The following MTA3 variants were observed in gnomAD, a reference collection of about 807,000 sequenced individuals.
MTA3 encodes metastasis-associated protein MTA3.
A neutral mutation model predicts 83.5 loss-of-function variants in MTA3; 34 were observed. The ratio of observed to expected loss-of-function variants is 0.41; its 90% confidence interval spans 0.31 to 0.54. The LOEUF (loss-of-function observed/expected upper bound fraction) is 0.54. Ranked by LOEUF, MTA3 falls within the 20% of genes least tolerant of loss-of-function variation. The pLI, the probability that MTA3 is intolerant of heterozygous loss-of-function variation, is 0.33. For synonymous variants in MTA3, 303 were observed against 252.7 expected (o/e 1.20, Z -1.89); for missense variants, 761 against 726.4 (o/e 1.05, Z -0.55).
intron 4 of MTA3, among the ~76,000 whole-genome samples, chr2:42,626,350 T>A (rs1686092627): frequency 6.6e-6 from 1 of 151,618 alleles, no homozygotes. Flanking sequence ...CAGGCTGGAG[T>A]GCAGTGGTGT....
At chr2:42,705,502 C>G (rs567729430) in intron 12 of MTA3, among the ~76,000 whole-genome samples, 8 of 151,586 alleles carry the variant, frequency 5.3e-5, no homozygotes, top group Non-Finnish European at 1.2e-4. Context: ...GTCAGGAGTT[C>G]GAGACCAGCC....
chr2:42,612,805 G>C (rs1684386896), intron 4 of MTA3, among the ~76,000 whole-genome samples: 1 of 152,088 alleles, frequency 6.6e-6, no homozygotes, highest in African/African-American at 2.4e-5. Context: ...AGGTTGCAGT[G>C]AGCCAAGATC....
At chr2:42,628,074 A>G (rs1686294947) in intron 4 of MTA3, among the ~76,000 whole-genome samples, 1 of 151,818 alleles carries the variant, frequency 6.6e-6, no homozygotes, top group Non-Finnish European at 1.5e-5. Flanking sequence ...TGGTTAGACC[A>G]GGTTTCACCA....
chr2:42,674,024 T>C (rs997661298), intron 8 of MTA3, among the ~76,000 whole-genome samples: 2 of 152,252 alleles, frequency 1.3e-5, no homozygotes, highest in African/African-American at 4.8e-5. Flanking sequence ...TCTAGGATTC[T>C]GCTGAGCTAG....
rs1269881693 is a variant in MTA3, at chr2:42,568,807, G to A, written c.28+34G>A. 4.9e-6 allele frequency: 6 copies of A among 1,215,118 alleles called. No homozygotes were observed. The African/African-American group carries it at 9.4e-5, about 19-fold the overall frequency. The allele number at this position is 1,215,118 out of a possible 1,614,324, so 75.3% of individuals were successfully genotyped here. A position where few individuals can be genotyped will look rare whatever the true frequency, so the allele number is the denominator to read the frequency against. On this transcript the variant is annotated intron_variant, in intron 1 of 16. Coordinates refer to ENST00000405094, the MANE Select transcript of MTA3 (RefSeq NM_001330442.2). Reference sequence around the variant, plus strand: ...GCTCGGCCCGACCCGGCCCGTGTGGGAGCGGGTTCCGGGAGCGGGGGGCCG... The same window carrying A: ...GCTCGGCCCGACCCGGCCCGTGTGGAAGCGGGTTCCGGGAGCGGGGGGCCG...
At chr2:42,675,324 T>C (rs1262376907) in intron 8 of MTA3, among the ~76,000 whole-genome samples, 1 of 151,984 alleles carries the variant, frequency 6.6e-6, no homozygotes, top group Non-Finnish European at 1.5e-5. Flanking sequence ...TTAGTAGAGA[T>C]GGGCTTTCAC....
chr2:42,728,532 A>G (rs1669717402), intron 16 of MTA3, among the ~76,000 whole-genome samples: 1 of 152,172 alleles, frequency 6.6e-6, no homozygotes, highest in Admixed American at 6.5e-5. Context: ...TAGTGGTTGT[A>G]CTAATTTACA....
At chr2:42,579,584 G>A (rs539626180) in intron 3 of MTA3, among the ~76,000 whole-genome samples, 2 of 151,886 alleles carry the variant, frequency 1.3e-5, no homozygotes, top group East Asian at 3.9e-4. Flanking sequence ...GAGCTACCAG[G>A]CCTGGCCTAG....
At chr2:42,528,071 C>T (rs569039922) in intron 2 of MTA3, among the ~76,000 whole-genome samples, 5 of 152,154 alleles carry the variant, frequency 3.3e-5, no homozygotes, top group Non-Finnish European at 7.4e-5. Flanking sequence ...ACTACAGGCA[C>T]GTGCCACCAT....
At chr2:42,668,459 C>T (rs1178024050) in intron 8 of MTA3, among the ~76,000 whole-genome samples, 5 of 152,064 alleles carry the variant, frequency 3.3e-5, no homozygotes, top group South Asian at 2.1e-4. Context: ...AAAAGGCTGC[C>T]GCTGAGTTCC....
Position 42,704,330 on chromosome 2 carries a change from C to G in MTA3, c.1150+12C>G, listed in dbSNP as rs1008776982. ...TGAGAGCTGCTATGGTAAGTTTTCT[C>G]TAGCAGGTCAGTTAAGCATCGGGAA... On this transcript the variant is annotated intron_variant, in intron 12 of 16. Transcript: ENST00000405094. 3 of 1,613,240 alleles carry G rather than the reference C, an allele frequency of 1.9e-6. No individual in the cohort carries two copies. The highest frequency in any genetic ancestry group is 1.3e-5 in the African/African-American group (1 of 74,898).
chr2:42,652,820 G>GC (rs1688838474), intron 6 of MTA3, among the ~76,000 whole-genome samples: 1 of 151,946 alleles, frequency 6.6e-6, no homozygotes, highest in African/African-American at 2.4e-5. Context: ...TAATATGTTG[G>GC]CCAGAACTTT....
At chr2:42,723,859 G>C (rs1241980121) in intron 16 of MTA3, among the ~76,000 whole-genome samples, 3 of 152,148 alleles carry the variant, frequency 2.0e-5, no homozygotes, top group Non-Finnish European at 4.4e-5. Context: ...CAAGGATGTG[G>C]AGTAGACCTT....
intron 8 of MTA3, among the ~76,000 whole-genome samples, chr2:42,675,518 A>C (rs1305420137): frequency 6.6e-6 from 1 of 152,146 alleles, no homozygotes; most frequent in African/African-American, 2.4e-5. Context: ...CACAGCTTAA[A>C]CATTTTTACC....
At chr2:42,744,410 T>C (rs1324618473) in intron 16 of MTA3, among the ~76,000 whole-genome samples, 3 of 152,196 alleles carry the variant, frequency 2.0e-5, no homozygotes, top group African/African-American at 7.2e-5. Flanking sequence ...GGCCTAGACT[T>C]GAGACCCTCT....
At chr2:42,535,423 T>C (rs1277642266) in intron 2 of MTA3, among the ~76,000 whole-genome samples, 1 of 152,018 alleles carries the variant, frequency 6.6e-6, no homozygotes, top group Non-Finnish European at 1.5e-5. Flanking sequence ...ATTAAAAATT[T>C]TTTTGTGTGT....
chr2:42,702,553 A>T (rs964351044), intron 11 of MTA3: 1 of 152,236 alleles, frequency 6.6e-6, no homozygotes, highest in South Asian at 2.1e-4. Flanking sequence ...TTGCATCAGT[A>T]GATATGGGAA....
At chr2:42,633,156 G>A (rs1440415460) in intron 4 of MTA3, among the ~76,000 whole-genome samples, 1 of 151,666 alleles carries the variant, frequency 6.6e-6, no homozygotes, top group African/African-American at 2.4e-5. Flanking sequence ...CTAGCTACTC[G>A]GGAGGCTGAG....
intron 2 of MTA3, among the ~76,000 whole-genome samples, chr2:42,539,406 A>G (rs1398437457): frequency 6.6e-6 from 1 of 151,936 alleles, no homozygotes; most frequent in East Asian, 1.9e-4. Flanking sequence ...CCCTTATAAA[A>G]TCATCAGATC....
Sources: gnomAD v4.1 joint callset for allele counts (sites outside exome capture counted in the v4.1 genomes callset) on GRCh38, gnomAD v4.1.1 for gene constraint, MANE v1.5 for transcripts, NCBI Gene and HGNC (gene_info 2026-07-23, HGNC 2026-07-21) for gene names.